The following CNTNAP2 variants were observed in gnomAD, a reference collection of about 807,000 sequenced individuals.
CNTNAP2 encodes the protein contactin associated protein 2, also known as contactin-associated protein-like 2.
CNTNAP2 carries 98 observed loss-of-function variants against 155.2 expected under a neutral mutation model. The ratio of observed to expected loss-of-function variants is 0.63; its 90% CI spans 0.54 to 0.75. CNTNAP2 has a LOEUF of 0.75. CNTNAP2 is among the 30% of genes least tolerant of loss of function. The pLI is 0.00. For missense variants in CNTNAP2, 1,727 were observed against 1,688.1 expected (o/e 1.02, Z -0.40); for synonymous variants, 651 against 631.2 (o/e 1.03, Z -0.47).
intron 1 of CNTNAP2, among the ~76,000 whole-genome samples, chr7:146,302,641 C>T (rs1211542542): frequency 2.6e-5 from 4 of 152,094 alleles, no homozygotes; most frequent in Admixed American, 6.6e-5. Context: ...ACGTTAGAGG[C>T]CGAACTCTTA....
At chr7:147,198,076 C>A (rs1040996978) in intron 8 of CNTNAP2, among the ~76,000 whole-genome samples, 13 of 151,968 alleles carry the variant, frequency 8.6e-5, no homozygotes, top group African/African-American at 2.9e-4. Context: ...TTGATTATTT[C>A]AAAAACTTAT....
chr7:146,436,840 T>A (rs1019226640), intron 1 of CNTNAP2, among the ~76,000 whole-genome samples: 1 of 151,644 alleles, frequency 6.6e-6, no homozygotes, highest in African/African-American at 2.4e-5. Flanking sequence ...GAATGGAGAA[T>A]ATAAAACTGA....
chr7:147,021,012 G>A (rs1466059058), intron 3 of CNTNAP2, among the ~76,000 whole-genome samples: 2 of 152,106 alleles, frequency 1.3e-5, no homozygotes, highest in African/African-American at 2.4e-5. Context: ...TTGGATGCAT[G>A]CTTTTGATAA....
intron 2 of CNTNAP2, among the ~76,000 whole-genome samples, chr7:146,782,531 A>G (rs1026609385): frequency 2.0e-5 from 3 of 152,172 alleles, no homozygotes; most frequent in Non-Finnish European, 2.9e-5. Flanking sequence ...ATTTAAATGT[A>G]TTATATCTTG....
chr7:147,636,152 G>T (rs551618786), intron 12 of CNTNAP2, among the ~76,000 whole-genome samples: 1 of 151,238 alleles, frequency 6.6e-6, no homozygotes, highest in South Asian at 2.1e-4. Context: ...GTTACAAAGA[G>T]GCTAAAGGTA....
At chr7:146,878,083 G>A (rs1212024519) in intron 3 of CNTNAP2, among the ~76,000 whole-genome samples, 1 of 152,016 alleles carries the variant, frequency 6.6e-6, no homozygotes, top group Non-Finnish European at 1.5e-5. Context: ...GTTTATTCAT[G>A]GGCCAACGTC....
chr7:146,487,892 CAG>C (rs1166287043), intron 1 of CNTNAP2, among the ~76,000 whole-genome samples: 1 of 151,976 alleles, frequency 6.6e-6, no homozygotes, highest in Non-Finnish European at 1.5e-5. Flanking sequence ...TGTGGAGAGA[CAG>C]AGAGAGACCC....
chr7:147,528,717 G>A (rs189073388), intron 11 of CNTNAP2, among the ~76,000 whole-genome samples: 1 of 152,312 alleles, frequency 6.6e-6, no homozygotes, highest in East Asian at 1.9e-4. Context: ...GGGAACAGTG[G>A]AAGTAGGATG....
At chr7:147,490,843 G>T (rs554648680) in intron 11 of CNTNAP2, among the ~76,000 whole-genome samples, 1 of 152,184 alleles carries the variant, frequency 6.6e-6, no homozygotes, top group Non-Finnish European at 1.5e-5. Context: ...CATCATGGTG[G>T]AAGGCGAAGG....
intron 10 of CNTNAP2, among the ~76,000 whole-genome samples, chr7:147,478,635 T>G (rs2116623331): frequency 6.6e-6 from 1 of 152,338 alleles, no homozygotes; most frequent in Non-Finnish European, 1.5e-5. Flanking sequence ...GGTTCATTTC[T>G]GGAAGAAGAT....
intron 13 of CNTNAP2, among the ~76,000 whole-genome samples, chr7:147,774,356 CT>C: frequency 6.6e-6 from 1 of 152,202 alleles, no homozygotes; most frequent in East Asian, 1.9e-4. Context: ...GAAGAATTTG[CT>C]TTTTGGTTCA....
At chr7:147,028,184 TCCTTAGGGTTA>T (rs1251889516) in intron 3 of CNTNAP2, among the ~76,000 whole-genome samples, 5 of 152,182 alleles carry the variant, frequency 3.3e-5, no homozygotes, top group Non-Finnish European at 7.3e-5. Context: ...CCAAAAAGGT[TCCTTAGGGTTA>T]AAACTAATAA....
chr7:147,219,748 A>G (rs1411317580), intron 8 of CNTNAP2, among the ~76,000 whole-genome samples: 4 of 152,086 alleles, frequency 2.6e-5, no homozygotes, highest in East Asian at 1.9e-4. Flanking sequence ...GCATTAATCC[A>G]CTCATGAGAG....
intron 1 of CNTNAP2, among the ~76,000 whole-genome samples, chr7:146,197,593 C>A (rs1321840081): frequency 2.0e-5 from 3 of 152,106 alleles, no homozygotes; most frequent in Non-Finnish European, 4.4e-5. Context: ...TTTCCAGATA[C>A]AAGAGACTTA....
chr7:147,378,773 C>G (rs1796484477), intron 9 of CNTNAP2, among the ~76,000 whole-genome samples: 1 of 152,082 alleles, frequency 6.6e-6, no homozygotes, highest in Non-Finnish European at 1.5e-5. Flanking sequence ...ATGTTCATAA[C>G]TAATGCGTTT....
intron 22 of CNTNAP2, 70 bp from the exon 23 acceptor site, chr7:148,409,321 A>C (rs1799772285): frequency 2.5e-6 from 3 of 1,194,572 alleles, no homozygotes; most frequent in East Asian, 2.3e-5. Context: ...TGCATGAAGA[A>C]ATAGGTATCA....
intron 13 of CNTNAP2, among the ~76,000 whole-genome samples, chr7:147,786,963 T>C (rs1797750275): frequency 6.6e-6 from 1 of 151,324 alleles, no homozygotes. Context: ...GCCACTATCC[T>C]GTCTCGAAGA....
At chr7:146,967,223 A>T (rs1390795014) in intron 3 of CNTNAP2, among the ~76,000 whole-genome samples, 1 of 152,188 alleles carries the variant, frequency 6.6e-6, no homozygotes, top group Non-Finnish European at 1.5e-5. Context: ...TTCTTTAATA[A>T]TTTTTATTGA....
rs1160817252 is a variant in CNTNAP2 at position 146,244,724 on chromosome 7, G to A, written c.97+127751G>A. Among the ~76,000 whole-genome samples the A allele has an allele frequency of 2.0e-5, 3 of 152,254 alleles. No homozygotes were observed. The East Asian group carries it at 5.8e-4, about 30-fold the overall frequency. ...ATAAAGGCTGGTCTGTTATCAGACT[G>A]TATAGAGGTGGGAAGGCTAAACTGA... On this transcript the variant is annotated intron_variant, in intron 1 of 23. Transcript: ENST00000361727.
Sources: gnomAD v4.1 joint callset for allele counts (sites outside exome capture counted in the v4.1 genomes callset) on GRCh38, gnomAD v4.1.1 for gene constraint, MANE v1.5 for transcripts, NCBI Gene and HGNC (gene_info 2026-07-23, HGNC 2026-07-21) for gene names.